Variants in COL13A1 observed in about 807,000 individuals in gnomAD.
COL13A1 encodes collagen type XIII alpha 1 chain.
Under a neutral mutation model 130.9 loss-of-function variants are expected in COL13A1, and 89 were observed. The ratio of observed to expected loss-of-function variants is 0.68; its 90% CI spans 0.57 to 0.81. The LOEUF (loss-of-function observed/expected upper bound fraction) is 0.81. Among genes scored for constraint, COL13A1 ranks in the 30% least tolerant of loss-of-function variants. The pLI is 0.00. For missense variants in COL13A1, 879 were observed against 934.6 expected, an observed-to-expected ratio of 0.94 and a Z score of 0.78; for synonymous variants, 402 against 341.6, an observed-to-expected ratio of 1.18 and a Z score of -1.95.
chr10:69,952,829 G>A (rs564560511), intron 38 of COL13A1, 53 bp from the exon 39 acceptor site: 3 of 1,234,564 alleles, frequency 2.4e-6, no homozygotes, highest in African/African-American at 3.2e-5. Flanking sequence ...CTTAACACAT[G>A]AATGATCTTA....
At chr10:69,806,278 TG>T (rs1841539549) in intron 1 of COL13A1, among the ~76,000 whole-genome samples, 1 of 152,168 alleles carries the variant, frequency 6.6e-6, no homozygotes, top group Non-Finnish European at 1.5e-5. Context: ...TGCAATGGCC[TG>T]GGGGTGGGAC....
chr10:69,849,621 A>G (rs746265704), intron 2 of COL13A1, among the ~76,000 whole-genome samples: 3 of 152,190 alleles, frequency 2.0e-5, no homozygotes, highest in African/African-American at 4.8e-5. Context: ...TGTGGGAACA[A>G]CTGTGTGTAG....
At chr10:69,939,515 G>T (rs913319069) in intron 34 of COL13A1, among the ~76,000 whole-genome samples, 2 of 152,154 alleles carry the variant, frequency 1.3e-5, no homozygotes, top group African/African-American at 2.4e-5. Context: ...AAAGTACATG[G>T]ATATTTAGCT....
intron 38 of COL13A1, among the ~76,000 whole-genome samples, chr10:69,950,815 C>T (rs959196010): frequency 3.3e-5 from 5 of 152,096 alleles, no homozygotes; most frequent in Non-Finnish European, 7.4e-5. Context: ...GAGTAATTTC[C>T]GAAGATCTGG....
intron 2 of COL13A1, among the ~76,000 whole-genome samples, chr10:69,840,718 G>C (rs1053274924): frequency 2.0e-5 from 3 of 152,134 alleles, no homozygotes; most frequent in African/African-American, 7.2e-5. Context: ...GATTCCTGAG[G>C]GATCTGGGTA....
Position 69,935,121 on chromosome 10 carries a change from G to A in COL13A1, c.1729-229G>A, listed in dbSNP as rs542568615. On this transcript the variant is annotated intron_variant, in intron 31 of 40. Transcript: ENST00000645393. ...AAAATCTGGAAGAATAGATCTTTAG[G>A]GACAGTTCCTGGAAATTTGCTTTTT... Among the ~76,000 whole-genome samples the A allele has an allele frequency of 4.6e-5, 7 of 152,126 alleles. No homozygotes were observed. In the East Asian group the frequency reaches 1.4e-3, roughly 29 times the overall value.
intron 1 of COL13A1, among the ~76,000 whole-genome samples, chr10:69,803,416 A>C (rs1398043835): frequency 6.6e-6 from 1 of 152,218 alleles, no homozygotes; most frequent in Non-Finnish European, 1.5e-5. Flanking sequence ...TAGCTATGGC[A>C]ATCTTCGGAA....
chr10:69,839,767 G>A (rs1357600555), intron 2 of COL13A1, among the ~76,000 whole-genome samples: 1 of 152,226 alleles, frequency 6.6e-6, no homozygotes, highest in Non-Finnish European at 1.5e-5. Flanking sequence ...TCAGAGTGTG[G>A]CCAGGTGAAA....
chr10:69,952,899 A>C lies in COL13A1; in HGVS notation c.2076A>C (p.Lys692Asn). The part of the protein sequence containing the change: ...DKGNRGERGK[K>N]GSRGPKGDKG... Reference sequence around the variant, plus strand: ...ATTTACAGGGGGAGAGGGGGAAGAAAGGCTCTAGAGGGCCTAAAGGGGATA... The same window carrying C: ...ATTTACAGGGGGAGAGGGGGAAGAACGGCTCTAGAGGGCCTAAAGGGGATA... Residue 692 changes from lysine to asparagine, a missense_variant, in exon 39 of 41, where the codon AAA (lysine) becomes AAC (asparagine). Around this residue, in one of 3 missense-constraint regions of COL13A1, gnomAD observed 68 missense variants for 65.8 expected, o/e 1.03. Coordinates refer to ENST00000645393, the MANE Select transcript of COL13A1 (RefSeq NM_001368882.1). 6.4e-6 allele frequency: 10 copies of C among 1,551,834 alleles called. No homozygotes were observed. The highest frequency in any genetic ancestry group is 6.0e-6 in the Non-Finnish European group (7 of 1,158,400).
In COL13A1 at chr10:69,930,266, C is replaced by T. The variant is rs570691962; in HGVS notation, c.1531-134C>T. 66 of 1,066,114 alleles carry T rather than the reference C, an allele frequency of 6.2e-5. No individual in the cohort carries two copies. In the African/African-American group the frequency reaches 9.4e-4, roughly 15 times the overall value. 66.0% of individuals were successfully genotyped at this position (1,066,114 alleles called of 1,614,324 possible). A position where few individuals can be genotyped will look rare whatever the true frequency, so the allele number is the denominator to read the frequency against. On this transcript the variant is annotated intron_variant, in intron 29 of 40. Transcript: ENST00000645393. ...CAAGCCCCAGGAGGAGCCAGGCAGA[C>T]CCAGGCTGGGCTGTCTCTGCCTGCC...
chr10:69,927,337 C>G (rs1176350157), intron 27 of COL13A1, among the ~76,000 whole-genome samples: 1 of 152,152 alleles, frequency 6.6e-6, no homozygotes, highest in Non-Finnish European at 1.5e-5. Context: ...TGGGTGTCCT[C>G]TGTGTAAAGG....
chr10:69,802,161 A>G lies in COL13A1; in HGVS notation c.-263A>G. The G allele has an allele frequency of 2.3e-6, 1 of 432,160 alleles. No homozygotes were observed. Among genetic ancestry groups the G allele is most frequent in the South Asian group, 4.9e-5 (1 of 20,592 alleles). The allele number at this position is 432,160 out of a possible 1,614,324, so 26.8% of individuals were successfully genotyped here. A position where few individuals can be genotyped will look rare whatever the true frequency, so the allele number is the denominator to read the frequency against. On this transcript the variant is annotated 5_prime_UTR_variant, in exon 1 of 41. Transcript: ENST00000645393. ...GAAGGAGAGCCGGTCAGATTCCCCTAACTTTCCTGGACTTGGAACGTTCTT... is the reference window on the plus strand; with the variant it reads ...GAAGGAGAGCCGGTCAGATTCCCCTGACTTTCCTGGACTTGGAACGTTCTT...
chr10:69,872,110 T>C (rs1028628264), intron 3 of COL13A1, 74 bp from the exon 4 acceptor site: 2 of 1,570,778 alleles, frequency 1.3e-6, no homozygotes. Flanking sequence ...GTCACACAGC[T>C]GGTTGAGACA....
intron 10 of COL13A1, among the ~76,000 whole-genome samples, chr10:69,891,444 C>T (rs962991804): frequency 3.3e-5 from 5 of 152,116 alleles, no homozygotes; most frequent in African/African-American, 7.2e-5. Flanking sequence ...TCTGCAGAAC[C>T]GGAGGAAGGG....
At chr10:69,850,088 GC>G in intron 2 of COL13A1, among the ~76,000 whole-genome samples, 1 of 152,254 alleles carries the variant, frequency 6.6e-6, no homozygotes, top group South Asian at 2.1e-4. Context: ...CACTGGGTGA[GC>G]TGGAGGTGGA....
At chr10:69,876,379 G>T (rs1222035353) in intron 5 of COL13A1, among the ~76,000 whole-genome samples, 1 of 152,136 alleles carries the variant, frequency 6.6e-6, no homozygotes, top group Non-Finnish European at 1.5e-5. Context: ...CTCTGAGGAG[G>T]GTCTGATCCT....
chr10:69,888,303 G>T lies in COL13A1; in HGVS notation c.550-1G>T. 6.2e-7 allele frequency: 1 copy of T among 1,612,854 alleles called. No homozygotes were observed. Among genetic ancestry groups the T allele is most frequent in the Non-Finnish European group, 8.5e-7 (1 of 1,179,494 alleles). On this transcript the variant is annotated splice_acceptor_variant, in intron 8 of 40. Coordinates refer to ENST00000645393, the MANE Select transcript of COL13A1 (RefSeq NM_001368882.1). LOFTEE classifies it high-confidence loss of function. Reference sequence around the variant, plus strand: ...TTTACATCTGGCCTTTCTGGTTTCAGGGTCCCATTGGGCTGGACGGCAAAC... The same window carrying T: ...TTTACATCTGGCCTTTCTGGTTTCATGGTCCCATTGGGCTGGACGGCAAAC...
Position 69,892,264 on chromosome 10 carries a change from C to A in COL13A1, c.604-2288C>A, listed in dbSNP as rs146753901. On this transcript the variant is annotated intron_variant, in intron 10 of 40. Transcript: ENST00000645393. ...CTTGCCCTGCTCTTCATCTGTCTGT[C>A]TCCTGCCCCAGATGCTGTCCCCTCC... 2.4e-4 allele frequency among the ~76,000 whole-genome samples: 36 copies of A among 152,320 alleles called. No individual in the cohort carries two copies. In the East Asian group the frequency reaches 7.0e-3, roughly 29 times the overall value.
intron 9 of COL13A1, 89 bp downstream of exon 9, chr10:69,888,419 C>A: frequency 6.5e-7 from 1 of 1,527,616 alleles, no homozygotes; most frequent in Non-Finnish European, 8.9e-7. Context: ...TTGGAAAATG[C>A]TTTACTTAGA....
Sources: allele counts gnomAD v4.1 joint callset (sites outside exome capture counted in the v4.1 genomes callset), GRCh38; gene constraint gnomAD v4.1.1; regional missense constraint gnomAD v4.1.1; transcripts MANE v1.5; gene names NCBI Gene and HGNC (gene_info 2026-07-23, HGNC 2026-07-21).